Variants in RASGEF1A observed in about 807,000 individuals in gnomAD.
The protein encoded by RASGEF1A is ras-GEF domain-containing family member 1A.
A neutral mutation model predicts 56.4 loss-of-function variants in RASGEF1A; 18 were observed. The ratio of observed to expected loss-of-function variants is 0.32; its 90% CI spans 0.22 to 0.47. RASGEF1A has a LOEUF of 0.47. Among genes scored for constraint, RASGEF1A ranks in the 20% least tolerant of loss-of-function variants. The pLI is 1.00. For synonymous variants in RASGEF1A, 245 were observed against 242.6 expected (o/e 1.01, Z -0.09); for missense variants, 422 against 627.1 (o/e 0.67, Z 3.49).
chr10:43,216,112 C>G (rs1195665070), intron 1 of RASGEF1A, among the ~76,000 whole-genome samples: 1 of 152,216 alleles, frequency 6.6e-6, no homozygotes, highest in African/African-American at 2.4e-5. Flanking sequence ...AAACCTGGAC[C>G]TGTGATGTGC....
intron 1 of RASGEF1A, among the ~76,000 whole-genome samples, chr10:43,239,046 C>A: frequency 6.6e-6 from 1 of 152,212 alleles, no homozygotes; most frequent in East Asian, 1.9e-4. Flanking sequence ...CCTGTAGTTT[C>A]TTTACTTGCC....
chr10:43,238,313 A>G (rs1264984518), intron 1 of RASGEF1A, among the ~76,000 whole-genome samples: 6 of 152,122 alleles, frequency 3.9e-5, no homozygotes, highest in Admixed American at 1.3e-4. Context: ...ACCTGTCTTC[A>G]GGAGGGTTAG....
rs965014807 is a variant in RASGEF1A, at chr10:43,266,943, C to G, written c.-105G>C. ...CCGGCGGCGGCTCATGCTCGGCGCCCGGGCCCGCGGCACCCGCCCACCCGC... is the reference window on the plus strand; with the variant it reads ...CCGGCGGCGGCTCATGCTCGGCGCCGGGGCCCGCGGCACCCGCCCACCCGC... On this transcript the variant is annotated 5_prime_UTR_variant, in exon 1 of 13. Coordinates refer to ENST00000395810, the MANE Select transcript of RASGEF1A (RefSeq NM_145313.4). 34 of 146,046 alleles carry G rather than the reference C, an allele frequency of 2.3e-4. No homozygotes were observed. The highest frequency in any genetic ancestry group is 7.6e-4 in the African/African-American group (31 of 40,776). The allele number at this position is 146,046 out of a possible 1,614,324, so 9.0% of individuals were successfully genotyped here.
chr10:43,194,865 A>G lies in RASGEF1A; in HGVS notation c.*1379T>C, dbSNP rs1185544261. 4 of 152,668 alleles carry G rather than the reference A, an allele frequency of 2.6e-5. No homozygotes were observed. Among genetic ancestry groups the G allele is most frequent in the African/African-American group, 9.6e-5 (4 of 41,456 alleles). 9.5% of individuals were successfully genotyped at this position (152,668 alleles called of 1,614,324 possible). ...CAATATACAATCTGTACTAGCTAGA[A>G]CCTCAGAAAGTGCAAACACACTGTG... is the stretch of plus-strand genomic sequence containing the variant. On this transcript the variant is annotated 3_prime_UTR_variant, in exon 13 of 13. Coordinates refer to ENST00000395810, the MANE Select transcript of RASGEF1A (RefSeq NM_145313.4).
chr10:43,247,054 G>A (rs1306896971), intron 1 of RASGEF1A, among the ~76,000 whole-genome samples: 1 of 152,098 alleles, frequency 6.6e-6, no homozygotes, highest in Non-Finnish European at 1.5e-5. Context: ...AATATATGAA[G>A]AACTCTTACA....
intron 1 of RASGEF1A, among the ~76,000 whole-genome samples, chr10:43,248,364 TAAAAAAA>T (rs34561814): frequency 3.0e-4 from 33 of 111,420 alleles, no homozygotes; most frequent in Non-Finnish European, 5.5e-4. Context: ...ACTCGGTCTT[TAAAAAAA>T]AAAAAAAAAA....
chr10:43,232,561 AC>A (rs1265015800), intron 1 of RASGEF1A, among the ~76,000 whole-genome samples: 1 of 141,604 alleles, frequency 7.1e-6, no homozygotes, highest in East Asian at 2.2e-4. Flanking sequence ...ATCTCAGCTC[AC>A]TGCAACCTCC....
chr10:43,229,566 C>T (rs1243248348), intron 1 of RASGEF1A: 2 of 1,314,796 alleles, frequency 1.5e-6, no homozygotes, highest in East Asian at 5.9e-5. Flanking sequence ...GGGACCGTCG[C>T]ACCCCTCCCG....
intron 1 of RASGEF1A, among the ~76,000 whole-genome samples, chr10:43,258,307 G>A (rs868585238): frequency 1.3e-5 from 2 of 152,230 alleles, no homozygotes; most frequent in African/African-American, 4.8e-5. Flanking sequence ...AGGACCCCAT[G>A]GCTGGCCTGG....
rs758497018 is a variant in RASGEF1A, at chr10:43,199,699, G to A, written c.826C>T (p.Leu276=). Reference sequence around the variant, plus strand: ...ACCCGGCACACCTCAGTGGCCACCAGCATGCTCAGGCAGTTGAACCAGTTG... The same window carrying A: ...ACCCGGCACACCTCAGTGGCCACCAACATGCTCAGGCAGTTGAACCAGTTG... ...YDNWFNCLSM[L]VATEVCRVVK... Residue 276 remains leucine (L), a synonymous_variant, in exon 7 of 13, where the codon CTG becomes TTG. Coordinates refer to ENST00000395810, the MANE Select transcript of RASGEF1A (RefSeq NM_145313.4). 6.2e-7 allele frequency: 1 copy of A among 1,613,582 alleles called. No homozygotes were observed. The highest frequency in any genetic ancestry group is 1.1e-5 in the South Asian group (1 of 91,082).
intron 1 of RASGEF1A, among the ~76,000 whole-genome samples, chr10:43,259,858 G>T (rs1361569196): frequency 6.6e-6 from 1 of 151,350 alleles, no homozygotes; most frequent in Non-Finnish European, 1.5e-5. Flanking sequence ...ACAGGCAGGG[G>T]AAACCACTCA....
intron 1 of RASGEF1A, among the ~76,000 whole-genome samples, chr10:43,260,764 C>T (rs941711100): frequency 2.0e-5 from 3 of 152,180 alleles, no homozygotes; most frequent in Admixed American, 6.5e-5. Context: ...GGCATGTAGC[C>T]CTCGACGGCC....
intron 2 of RASGEF1A, chr10:43,203,692 C>A (rs80014764): frequency 0.028 from 32,837 of 1,176,686 alleles, 560 homozygotes; most frequent in Non-Finnish European, 0.032. Context: ...GATTCTCCCC[C>A]TCTCTGCCCC....
At chr10:43,232,769 G>A (rs1029809263) in intron 1 of RASGEF1A, among the ~76,000 whole-genome samples, 6 of 152,178 alleles carry the variant, frequency 3.9e-5, no homozygotes, top group Admixed American at 1.3e-4. Flanking sequence ...TTACAGGCAT[G>A]AGCCACCGTG....
Position 43,196,236 on chromosome 10 carries a change from C to T in RASGEF1A, c.*8G>A, listed in dbSNP as rs1004665771. On this transcript the variant is annotated 3_prime_UTR_variant, in exon 13 of 13. Transcript: ENST00000395810. The surrounding 1 kb of genome is among the most constrained non-coding windows in gnomAD (Gnocchi z 4.6). Reference sequence around the variant, plus strand: ...GTGCTTCCTCTGGCGTCGCGGGCTGCATCCGCCTCAGGCTCTGTTCAGAAG... The same window carrying T: ...GTGCTTCCTCTGGCGTCGCGGGCTGTATCCGCCTCAGGCTCTGTTCAGAAG... 1 of 1,612,846 alleles carries T rather than the reference C, an allele frequency of 6.2e-7. No individual in the cohort carries two copies. Among genetic ancestry groups the T allele is most frequent in the South Asian group, 1.1e-5 (1 of 90,984 alleles).
intron 1 of RASGEF1A, among the ~76,000 whole-genome samples, chr10:43,210,125 C>T (rs1305122642): frequency 3.3e-5 from 5 of 152,126 alleles, no homozygotes; most frequent in African/African-American, 7.3e-5. Flanking sequence ...ATGGAAGGCC[C>T]GGGAAGCCCA....
chr10:43,225,959 A>G (rs1840274639), intron 1 of RASGEF1A, among the ~76,000 whole-genome samples: 1 of 147,814 alleles, frequency 6.8e-6, no homozygotes, highest in East Asian at 2.2e-4. Flanking sequence ...CGGCAGTCAC[A>G]GTGACATTTG....
At chr10:43,257,538 G>A (rs1836443424) in intron 1 of RASGEF1A, among the ~76,000 whole-genome samples, 1 of 152,214 alleles carries the variant, frequency 6.6e-6, no homozygotes, top group African/African-American at 2.4e-5. Flanking sequence ...GTTCCAGCAA[G>A]CTACATTCTC....
At chr10:43,237,627 G>C (rs927492714) in intron 1 of RASGEF1A, among the ~76,000 whole-genome samples, 1 of 152,072 alleles carries the variant, frequency 6.6e-6, no homozygotes, top group Non-Finnish European at 1.5e-5. Flanking sequence ...CCTCCCTCCA[G>C]TCCCTGCTGT....
Sources: allele counts gnomAD v4.1 joint callset (sites outside exome capture counted in the v4.1 genomes callset), GRCh38; gene constraint gnomAD v4.1.1; non-coding constraint Gnocchi (gnomAD v3.1); transcripts MANE v1.5; gene names NCBI Gene and HGNC (gene_info 2026-07-23, HGNC 2026-07-21).